The following FLVCR1 variants were observed in gnomAD, a reference collection of about 807,000 sequenced individuals.
The protein encoded by FLVCR1 is FLVCR choline and heme transporter 1.
A neutral mutation model predicts 53.6 loss-of-function variants in FLVCR1; 34 were observed. The observed-to-expected ratio is 0.63, with a 90% confidence interval of 0.48 to 0.84. The LOEUF is 0.84. FLVCR1 is among the 40% of genes least tolerant of loss of function. The pLI, the probability that FLVCR1 is intolerant of heterozygous loss-of-function variation, is 0.00. For missense variants in FLVCR1, 677 were observed against 696.7 expected (o/e 0.97, Z 0.32); for synonymous variants, 300 against 286.3 (o/e 1.05, Z -0.48).
Position 212,895,479 on chromosome 1 carries a change from A to C in FLVCR1, c.*189A>C. The C allele has an allele frequency of 1.6e-6, 1 of 617,330 alleles. No homozygotes were observed. The highest frequency in any genetic ancestry group is 1.9e-5 in the South Asian group (1 of 52,412). The allele number at this position is 617,330 out of a possible 1,614,324, so 38.2% of individuals were successfully genotyped here. A position where few individuals can be genotyped will look rare whatever the true frequency, so the allele number is the denominator to read the frequency against. On this transcript the variant is annotated 3_prime_UTR_variant, in exon 10 of 10. Coordinates refer to ENST00000366971, the MANE Select transcript of FLVCR1 (RefSeq NM_014053.4). ...TTGTTAAATTAAGGGAAATTTTCTT[A>C]AAATTCTTCTGTTTACATCATGTTA...
intron 5 of FLVCR1, among the ~76,000 whole-genome samples, chr1:212,886,063 G>A (rs61834976): frequency 1.2e-4 from 5 of 43,224 alleles, no homozygotes; most frequent in Non-Finnish European, 1.6e-4. Flanking sequence ...TTTTTTTTAG[G>A]TGGGGTCTCA....
At chr1:212,863,103 C>T (rs41296712) in intron 1 of FLVCR1, among the ~76,000 whole-genome samples, 1 of 152,228 alleles carries the variant, frequency 6.6e-6, no homozygotes, top group African/African-American at 2.4e-5. Context: ...TTCTGTAGGT[C>T]ATCTTTTGTC....
intron 1 of FLVCR1, among the ~76,000 whole-genome samples, chr1:212,860,919 G>T (rs557997292): frequency 6.6e-6 from 1 of 152,242 alleles, no homozygotes; most frequent in South Asian, 2.1e-4. Flanking sequence ...CCACTGTCTT[G>T]GTTTGGGCCA....
At chr1:212,868,025 G>C (rs1350679103) in intron 2 of FLVCR1, among the ~76,000 whole-genome samples, 2 of 151,962 alleles carry the variant, frequency 1.3e-5, no homozygotes, top group East Asian at 1.9e-4. Context: ...GGATGGTCTC[G>C]ATCTCCTGAC....
chr1:212,861,612 C>T (rs1664241715), intron 1 of FLVCR1, among the ~76,000 whole-genome samples: 1 of 152,036 alleles, frequency 6.6e-6, no homozygotes, highest in Non-Finnish European at 1.5e-5. Flanking sequence ...GTATTACCAC[C>T]CTCTCTTGTA....
chr1:212,893,094 T>C (rs6674782), intron 8 of FLVCR1, among the ~76,000 whole-genome samples: 90,141 of 146,774 alleles, frequency 0.61, 29,724 homozygotes, highest in East Asian at 0.91. Flanking sequence ...GTTGCTGTGT[T>C]GCCCAGGCTG....
chr1:212,889,013 C>A, intron 7 of FLVCR1, 133 bp from the exon 8 acceptor site: 1 of 718,268 alleles, frequency 1.4e-6, no homozygotes, highest in Non-Finnish European at 2.3e-6. Context: ...TTTGTTTTAA[C>A]AATTCAACTT....
intron 8 of FLVCR1, among the ~76,000 whole-genome samples, chr1:212,890,425 A>G (rs2047287): frequency 0.47 from 71,616 of 151,678 alleles, 17,976 homozygotes; most frequent in East Asian, 0.56. Context: ...TGGGCCACAC[A>G]TGAAATACTC....
intron 1 of FLVCR1, among the ~76,000 whole-genome samples, chr1:212,860,350 G>GTTCTTTTTTTTTTTTTTTTTTT (rs1664186025): frequency 1.2e-5 from 1 of 85,824 alleles, no homozygotes. Context: ...TGTGTGTGTG[G>GTTCTTTTTTTTTTTTTTTTTTT]TTTTTTTTTT....
At chr1:212,893,063 T>TC (rs1665233789) in intron 8 of FLVCR1, among the ~76,000 whole-genome samples, 1 of 124,782 alleles carries the variant, frequency 8.0e-6, no homozygotes, top group Non-Finnish European at 1.7e-5. Context: ...CTTCTTTTTT[T>TC]TTGGGGGGGG....
intron 3 of FLVCR1, among the ~76,000 whole-genome samples, chr1:212,876,656 C>T (rs1239968110): frequency 6.6e-6 from 1 of 152,120 alleles, no homozygotes; most frequent in Non-Finnish European, 1.5e-5. Flanking sequence ...TGAGCCACTG[C>T]GCCCGGCCTG....
chr1:212,879,974 A>ATTT (rs34468539), intron 3 of FLVCR1, among the ~76,000 whole-genome samples: 29,275 of 148,714 alleles, frequency 0.2, 3,604 homozygotes, highest in East Asian at 0.43. Context: ...ATAACATAGT[A>ATTT]TTTTTTTTTT....
Position 212,899,302 on chromosome 1 carries a change from T to C in FLVCR1, c.*4012T>C, listed in dbSNP as rs1665416108. On this transcript the variant is annotated 3_prime_UTR_variant, in exon 10 of 10. Coordinates refer to ENST00000366971, the MANE Select transcript of FLVCR1 (RefSeq NM_014053.4). ...GTTCTAATTTTTGTTCTTTGTACTA[T>C]TTATCTGTATGCTTGTTCTTCAGTA... 1 of 152,248 alleles carries C rather than the reference T, an allele frequency of 6.6e-6. No homozygotes were observed. The highest frequency in any genetic ancestry group is 6.5e-5 in the Admixed American group (1 of 15,288). 9.4% of individuals were successfully genotyped at this position (152,248 alleles called of 1,614,324 possible). A position where few individuals can be genotyped will look rare whatever the true frequency, so the allele number is the denominator to read the frequency against.
chr1:212,863,947 TTGA>T, intron 2 of FLVCR1, 78 bp downstream of exon 2: 1 of 1,222,856 alleles, frequency 8.2e-7, no homozygotes, highest in Non-Finnish European at 1.2e-6. Flanking sequence ...GAAATTTTTG[TTGA>T]TAATATCTCA....
chr1:212,877,503 G>A (rs987475675), intron 3 of FLVCR1, among the ~76,000 whole-genome samples: 2 of 152,014 alleles, frequency 1.3e-5, no homozygotes, highest in African/African-American at 2.4e-5. Context: ...GTGAGCCACC[G>A]CGCCTGGCCA....
chr1:212,883,477 A>T (rs2644547), intron 4 of FLVCR1, 39 bp downstream of exon 4: 5 of 1,187,262 alleles, frequency 4.2e-6, no homozygotes, highest in African/African-American at 3.0e-5. Context: ...GCCTGGCCAA[A>T]AATTTTTCTT....
At chr1:212,873,300 G>A (rs1230237289) in intron 3 of FLVCR1, among the ~76,000 whole-genome samples, 1 of 141,064 alleles carries the variant, frequency 7.1e-6, no homozygotes, top group Non-Finnish European at 1.6e-5. Context: ...GCAATAGAGT[G>A]AGACTATCTC....
rs1176827187 is a variant in FLVCR1, at chr1:212,859,116, T to C, written c.664T>C (p.Ser222Pro). The C allele has an allele frequency of 4.3e-6, 7 of 1,613,894 alleles. No individual in the cohort carries two copies. Among genetic ancestry groups the C allele is most frequent in the Non-Finnish European group, 5.9e-6 (7 of 1,179,996 alleles). The change falls in exon 1 of 10, where the codon TCC becomes CCC. Residue 222 changes from serine to proline, a missense_variant. By Grantham distance (74) the Ser-to-Pro change is moderately conservative (BLOSUM62 -1). Coordinates refer to ENST00000366971, the MANE Select transcript of FLVCR1 (RefSeq NM_014053.4). ...VAQVFILGLP[S>P]RIASVWFGPK... Reference sequence around the variant, plus strand: ...CCAGGTGTTCATCCTGGGCTTGCCCTCCCGCATCGCCTCAGTGTGGTTTGG... The same window carrying C: ...CCAGGTGTTCATCCTGGGCTTGCCCCCCCGCATCGCCTCAGTGTGGTTTGG...
chr1:212,893,726 C>T lies in FLVCR1; in HGVS notation c.1526-1260C>T, dbSNP rs867850306. On this transcript the variant is annotated intron_variant, in intron 8 of 9. Transcript: ENST00000366971. Reference sequence around the variant, plus strand: ...CCTCCACCAGCAAAAAGATAACTTGCAGAAGGCTTGGATAATCATTAGCAT... The same window carrying T: ...CCTCCACCAGCAAAAAGATAACTTGTAGAAGGCTTGGATAATCATTAGCAT... Among the ~76,000 whole-genome samples the T allele has an allele frequency of 3.9e-5, 6 of 152,298 alleles. No individual in the cohort carries two copies. The South Asian group carries it at 6.2e-4, about 16-fold the overall frequency.
Sources: allele counts gnomAD v4.1 joint callset (sites outside exome capture counted in the v4.1 genomes callset), GRCh38; gene constraint gnomAD v4.1.1; transcripts MANE v1.5; gene names NCBI Gene and HGNC (gene_info 2026-07-23, HGNC 2026-07-21).